ANGPT2: variants seen among roughly 807,000 people sequenced by gnomAD.
The protein encoded by ANGPT2 is angiopoietin 2, also known as angiopoietin-2.
In ANGPT2, 28 loss-of-function variants were observed where a neutral mutation model predicts 62.9. The ratio of observed to expected loss-of-function variants is 0.44; its 90% confidence interval spans 0.33 to 0.61. The LOEUF is 0.61. Among genes scored for constraint, ANGPT2 ranks in the 20% least tolerant of loss-of-function variants. The pLI is 0.03. For missense variants in ANGPT2, 727 were observed against 594.9 expected (o/e 1.22, Z -2.31); for synonymous variants, 284 against 207.8 (o/e 1.37, Z -3.15).
At chr8:6,540,806 A>G (rs2922873) in intron 1 of ANGPT2, among the ~76,000 whole-genome samples, 124,247 of 152,288 alleles carry the variant, frequency 0.82, 50,838 homozygotes, top group Middle Eastern at 0.85. Flanking sequence ...AGCCATGCCG[A>G]ACAGGCGCGG....
intron 5 of ANGPT2, among the ~76,000 whole-genome samples, chr8:6,516,795 A>C (rs989370091): frequency 4.6e-5 from 7 of 152,210 alleles, no homozygotes; most frequent in African/African-American, 1.7e-4. Context: ...TGTCAAAATT[A>C]CTGCTATGAA....
At chr8:6,538,379 T>A (rs1467994354) in intron 1 of ANGPT2, among the ~76,000 whole-genome samples, 1 of 152,190 alleles carries the variant, frequency 6.6e-6, no homozygotes, top group East Asian at 1.9e-4. Flanking sequence ...GCTGCTCTCC[T>A]TTCATCCCGC....
intron 8 of ANGPT2, among the ~76,000 whole-genome samples, chr8:6,503,566 C>A (rs1337099952): frequency 3.3e-5 from 5 of 152,194 alleles, no homozygotes; most frequent in African/African-American, 1.2e-4. Flanking sequence ...TACACACTTA[C>A]AGCAGGAGTA....
intron 8 of ANGPT2, among the ~76,000 whole-genome samples, chr8:6,505,809 C>T (rs1813548720): frequency 8.0e-6 from 1 of 124,602 alleles, no homozygotes; most frequent in Non-Finnish European, 1.7e-5. Context: ...CATGCATATT[C>T]TTTATATATG....
At chr8:6,538,399 C>T (rs571606931) in intron 1 of ANGPT2, among the ~76,000 whole-genome samples, 2 of 152,336 alleles carry the variant, frequency 1.3e-5, no homozygotes, top group Non-Finnish European at 1.5e-5. Context: ...CTGTCAGAGT[C>T]AGGAATCCAC....
intron 1 of ANGPT2, among the ~76,000 whole-genome samples, chr8:6,547,915 C>T (rs1822905320): frequency 2.7e-5 from 4 of 150,068 alleles, no homozygotes; most frequent in East Asian, 2.0e-4. Context: ...CCAAAACTCA[C>T]TGTGGTTACT....
intron 3 of ANGPT2, among the ~76,000 whole-genome samples, chr8:6,526,951 A>G (rs1191900087): frequency 6.6e-6 from 1 of 152,118 alleles, no homozygotes; most frequent in Non-Finnish European, 1.5e-5. Context: ...CATGTTTAAT[A>G]TTTTTGGTTT....
At chr8:6,506,273 G>T (rs912945848) in intron 8 of ANGPT2, among the ~76,000 whole-genome samples, 5 of 151,900 alleles carry the variant, frequency 3.3e-5, no homozygotes, top group Non-Finnish European at 5.9e-5. Flanking sequence ...CATGCAAAAT[G>T]GAGCTGCTCA....
At chr8:6,511,959 T>TA (rs948101889) in intron 7 of ANGPT2, among the ~76,000 whole-genome samples, 11 of 151,416 alleles carry the variant, frequency 7.3e-5, no homozygotes, top group Non-Finnish European at 1.0e-4. Flanking sequence ...GTTGAAAAAA[T>TA]ATTTAACTTG....
chr8:6,556,458 C>A (rs554607578), intron 1 of ANGPT2, among the ~76,000 whole-genome samples: 1 of 152,080 alleles, frequency 6.6e-6, no homozygotes, highest in South Asian at 2.1e-4. Context: ...ATCCCCACCC[C>A]ACAGTCCCTC....
At chr8:6,521,937 T>C (rs375532891) in intron 3 of ANGPT2, among the ~76,000 whole-genome samples, 1 of 152,246 alleles carries the variant, frequency 6.6e-6, no homozygotes, top group East Asian at 1.9e-4. Flanking sequence ...ACTCAAGTAC[T>C]GGCTTACCAG....
chr8:6,510,670 A>T (rs1782198482), intron 7 of ANGPT2, among the ~76,000 whole-genome samples: 1 of 152,138 alleles, frequency 6.6e-6, no homozygotes. Flanking sequence ...TGGAGGTAGG[A>T]TTTGCACCAG....
In ANGPT2 at chr8:6,512,164, C is replaced by A. The variant is rs559030660; in HGVS notation, c.1196+1514G>T. ...TTCACTGATGTTTAAAGAGTCACAT[C>A]CATGTATATCTGTTTCTCAAACATG... On this transcript the variant is annotated intron_variant, in intron 7 of 8. Transcript: ENST00000629816. Among the ~76,000 whole-genome samples the A allele has an allele frequency of 4.1e-4, 63 of 152,186 alleles. 1 individual carries two copies. The highest frequency in any genetic ancestry group is 1.5e-3 in the African/African-American group (61 of 41,526).
intron 1 of ANGPT2, among the ~76,000 whole-genome samples, chr8:6,554,649 T>A (rs1408834149): frequency 6.6e-6 from 1 of 152,204 alleles, no homozygotes; most frequent in East Asian, 1.9e-4. Flanking sequence ...AGTTGTCAGG[T>A]TAATGTAAAG....
At chr8:6,519,490 G>C (rs190212286) in intron 5 of ANGPT2, among the ~76,000 whole-genome samples, 22 of 152,298 alleles carry the variant, frequency 1.4e-4, no homozygotes, top group African/African-American at 4.8e-4. Flanking sequence ...ACACCTCTAT[G>C]GCTGATGCAC....
At chr8:6,545,880 C>A (rs1355514076) in intron 1 of ANGPT2, among the ~76,000 whole-genome samples, 6 of 152,186 alleles carry the variant, frequency 3.9e-5, no homozygotes, top group African/African-American at 1.4e-4. Flanking sequence ...TGAGCTACTG[C>A]AATGCAAGTG....
intron 1 of ANGPT2, among the ~76,000 whole-genome samples, chr8:6,554,308 G>GAA (rs10715108): frequency 4.2e-5 from 6 of 143,012 alleles, no homozygotes; most frequent in Admixed American, 7.0e-5. Context: ...TAAAAAGAGA[G>GAA]AAAAAAAAAA....
In ANGPT2 at chr8:6,509,073, G is replaced by A; in HGVS notation, c.1197-11C>T. ...CCTTTAAGGTGAATCCTGTAAGCGTGCAAAGAAAAAAAACACATTGGCTAG... is the reference window on the plus strand; with the variant it reads ...CCTTTAAGGTGAATCCTGTAAGCGTACAAAGAAAAAAAACACATTGGCTAG... On this transcript the variant is annotated splice_polypyrimidine_tract_variant and intron_variant, in intron 7 of 8. Coordinates refer to ENST00000629816, the MANE Select transcript of ANGPT2 (RefSeq NM_001118887.2). 6.2e-7 allele frequency: 1 copy of A among 1,607,520 alleles called. No individual in the cohort carries two copies. The highest frequency in any genetic ancestry group is 1.1e-5 in the South Asian group (1 of 90,164).
chr8:6,506,501 G>T (rs753501166), intron 8 of ANGPT2, among the ~76,000 whole-genome samples: 2 of 152,136 alleles, frequency 1.3e-5, no homozygotes, highest in Non-Finnish European at 2.9e-5. Context: ...GCACATACGG[G>T]TGGTCTAATA....
Sources: gnomAD v4.1 joint callset for allele counts (sites outside exome capture counted in the v4.1 genomes callset) on GRCh38, gnomAD v4.1.1 for gene constraint, MANE v1.5 for transcripts, NCBI Gene and HGNC (gene_info 2026-07-23, HGNC 2026-07-21) for gene names.